ANO3: variants seen among roughly 807,000 people sequenced by gnomAD.
ANO3 encodes the protein anoctamin-3.
Under a neutral mutation model 144.8 loss-of-function variants are expected in ANO3, and 99 were observed. The observed-to-expected ratio is 0.68, with a 90% CI of 0.58 to 0.81. ANO3 has a LOEUF of 0.81. ANO3 is among the 30% of genes least tolerant of loss of function. The pLI, the probability that ANO3 is intolerant of heterozygous loss-of-function variation, is 0.00. For missense variants in ANO3, 905 were observed against 1,202.2 expected (o/e 0.75, Z 3.66); for synonymous variants, 414 against 392.6 (o/e 1.05, Z -0.64).
chr11:26,597,015 A>G (rs758108739), intron 14 of ANO3, among the ~76,000 whole-genome samples: 5 of 152,242 alleles, frequency 3.3e-5, no homozygotes, highest in Non-Finnish European at 5.9e-5. Flanking sequence ...TCCAGCAGCC[A>G]CGCTAATCGT....
At chr11:26,199,248 A>C (rs1280526239) in intron 1 of ANO3, among the ~76,000 whole-genome samples, 1 of 152,102 alleles carries the variant, frequency 6.6e-6, no homozygotes, top group East Asian at 1.9e-4. Flanking sequence ...ATCCTTTTGC[A>C]GCTAAAATAG....
intron 1 of ANO3, chr11:26,286,206 T>C (rs1853803277): frequency 6.6e-6 from 1 of 152,198 alleles, no homozygotes; most frequent in Non-Finnish European, 1.5e-5. Context: ...AAACAGCATG[T>C]GAAATAATCA....
At chr11:26,659,458 C>T (rs922134653) in intron 26 of ANO3, among the ~76,000 whole-genome samples, 5 of 151,764 alleles carry the variant, frequency 3.3e-5, no homozygotes, top group Admixed American at 6.6e-5. Flanking sequence ...CTTTGGGAGG[C>T]CAAGGTGGGA....
At chr11:26,566,199 A>G (rs1338452378) in intron 14 of ANO3, among the ~76,000 whole-genome samples, 2 of 151,752 alleles carry the variant, frequency 1.3e-5, no homozygotes, top group African/African-American at 4.8e-5. Context: ...AACCATAAAA[A>G]CCCACCCACT....
At chr11:26,375,680 G>C (rs1009750869) in intron 1 of ANO3, among the ~76,000 whole-genome samples, 2 of 152,116 alleles carry the variant, frequency 1.3e-5, no homozygotes. Flanking sequence ...TTACAGCTTA[G>C]CTTTTGAATG....
At chr11:26,438,608 A>AAG (rs59896402) in intron 1 of ANO3, among the ~76,000 whole-genome samples, 17 of 118,840 alleles carry the variant, frequency 1.4e-4, no homozygotes, top group African/African-American at 4.6e-4. Flanking sequence ...AAAAAAAAAA[A>AAG]GAAAAAAAAA....
At chr11:26,574,483 A>G (rs926591231) in intron 14 of ANO3, among the ~76,000 whole-genome samples, 1 of 152,192 alleles carries the variant, frequency 6.6e-6, no homozygotes, top group Non-Finnish European at 1.5e-5. Context: ...ACAGGCTACA[A>G]GTGGAATTCA....
intron 1 of ANO3, among the ~76,000 whole-genome samples, chr11:26,296,700 T>C (rs1854097470): frequency 6.6e-6 from 1 of 152,220 alleles, no homozygotes; most frequent in Non-Finnish European, 1.5e-5. Context: ...TGAGTAATTA[T>C]CATTGATGAA....
chr11:26,397,853 A>T (rs1354439478), intron 1 of ANO3, among the ~76,000 whole-genome samples: 1 of 136,430 alleles, frequency 7.3e-6, no homozygotes, highest in East Asian at 2.3e-4. Flanking sequence ...TATTCTTGAG[A>T]AGAGATGAAG....
At chr11:26,530,587 G>T (rs375590247) in intron 7 of ANO3, among the ~76,000 whole-genome samples, 2 of 151,296 alleles carry the variant, frequency 1.3e-5, no homozygotes, top group African/African-American at 4.9e-5. Context: ...CTGGCCGGGC[G>T]CAGTGGCTCA....
At chr11:26,253,027 A>G (rs12222558) in intron 1 of ANO3, among the ~76,000 whole-genome samples, 2,787 of 152,292 alleles carry the variant, frequency 0.018, 69 homozygotes, top group East Asian at 0.12. Context: ...CCATCCTGTC[A>G]GGCATGGAGA....
At chr11:26,377,236 A>G (rs1856438451) in intron 1 of ANO3, among the ~76,000 whole-genome samples, 1 of 152,178 alleles carries the variant, frequency 6.6e-6, no homozygotes, top group African/African-American at 2.4e-5. Context: ...AATGAACTAC[A>G]ATGAACATGC....
intron 1 of ANO3, among the ~76,000 whole-genome samples, chr11:26,398,223 A>G (rs1313391163): frequency 6.6e-6 from 1 of 152,028 alleles, no homozygotes; most frequent in Non-Finnish European, 1.5e-5. Context: ...GGTCACCCTA[A>G]ACTTTTGGGA....
intron 1 of ANO3, among the ~76,000 whole-genome samples, chr11:26,371,669 A>C (rs1045990040): frequency 1.3e-5 from 2 of 152,246 alleles, no homozygotes; most frequent in Non-Finnish European, 2.9e-5. Flanking sequence ...CACCTCTTGC[A>C]TTAGCATGAT....
intron 17 of ANO3, among the ~76,000 whole-genome samples, chr11:26,602,588 CTT>C (rs113082487): frequency 7.2e-6 from 1 of 138,878 alleles, no homozygotes; most frequent in Non-Finnish European, 1.5e-5. Context: ...CTTTTCTTTT[CTT>C]TTTTTTTTTT....
chr11:26,588,153 C>T (rs1273026333), intron 14 of ANO3, among the ~76,000 whole-genome samples: 1 of 152,082 alleles, frequency 6.6e-6, no homozygotes, highest in Non-Finnish European at 1.5e-5. Flanking sequence ...ACCGTCACCC[C>T]TGTTAAAACA....
chr11:26,515,060 G>A (rs1242021602), intron 5 of ANO3, among the ~76,000 whole-genome samples: 1 of 151,976 alleles, frequency 6.6e-6, no homozygotes, highest in African/African-American at 2.4e-5. Context: ...GATAATATGT[G>A]TAACCTTGGT....
At chr11:26,354,773 T>G (rs1425249564) in intron 1 of ANO3, among the ~76,000 whole-genome samples, 1 of 152,158 alleles carries the variant, frequency 6.6e-6, no homozygotes, top group Non-Finnish European at 1.5e-5. Context: ...GTATCAACTT[T>G]GTTTAGTCAA....
rs1857016515 is a variant in ANO3 at position 26,396,485 on chromosome 11, ACG to A, written c.47-45432_47-45431del. ...TTATAAATCATTTTACTATAAAGACACGTGCACACATATGTTTATTGCAGCAC... is the reference window on the plus strand; with the variant it reads ...TTATAAATCATTTTACTATAAAGACATGCACACATATGTTTATTGCAGCAC... On this transcript the variant is annotated intron_variant, in intron 1 of 26. Coordinates refer to ENST00000256737, the MANE Select transcript of ANO3 (RefSeq NM_031418.4). 2.6e-5 allele frequency among the ~76,000 whole-genome samples: 4 copies of A among 152,050 alleles called. No individual in the cohort carries two copies. In the South Asian group the frequency reaches 8.3e-4, roughly 32 times the overall value.
Sources: gnomAD v4.1 joint callset for allele counts (sites outside exome capture counted in the v4.1 genomes callset) on GRCh38, gnomAD v4.1.1 for gene constraint, MANE v1.5 for transcripts, NCBI Gene and HGNC (gene_info 2026-07-23, HGNC 2026-07-21) for gene names.